Variants in CLASP1 observed in about 807,000 individuals in gnomAD.
CLASP1 encodes the protein cytoplasmic linker associated protein 1.
A neutral mutation model predicts 192.3 loss-of-function variants in CLASP1; 38 were observed. The ratio of observed to expected loss-of-function variants is 0.20; its 90% CI spans 0.15 to 0.26. The LOEUF is 0.26. Among genes scored for constraint, CLASP1 ranks in the 10% least tolerant of loss-of-function variants. CLASP1 has a pLI of 1.00. For synonymous variants in CLASP1, 691 were observed against 712.8 expected (o/e 0.97, Z 0.49); for missense variants, 1,433 against 1,932.5 (o/e 0.74, Z 4.85).
chr2:121,534,114 A>AT (rs1328487422), intron 2 of CLASP1, among the ~76,000 whole-genome samples: 1 of 152,220 alleles, frequency 6.6e-6, no homozygotes, highest in East Asian at 1.9e-4. Flanking sequence ...AAATTTACAG[A>AT]TATAAGCCTG....
intron 2 of CLASP1, among the ~76,000 whole-genome samples, chr2:121,591,627 G>A (rs1288231847): frequency 7.2e-5 from 11 of 152,178 alleles, no homozygotes; most frequent in Non-Finnish European, 8.8e-5. Flanking sequence ...AGCCTCGCTG[G>A]TGCACAACCA....
chr2:121,355,432 CA>C (rs2065215787), intron 37 of CLASP1, among the ~76,000 whole-genome samples: 1 of 152,136 alleles, frequency 6.6e-6, no homozygotes, highest in Non-Finnish European at 1.5e-5. Flanking sequence ...CCCGGATGAT[CA>C]AATGTATCTA....
chr2:121,529,649 G>A (rs1472501031), intron 3 of CLASP1, among the ~76,000 whole-genome samples: 1 of 152,170 alleles, frequency 6.6e-6, no homozygotes, highest in Non-Finnish European at 1.5e-5. Context: ...AAATCTGTGG[G>A]TTTTGTTTCA....
intron 2 of CLASP1, among the ~76,000 whole-genome samples, chr2:121,542,931 T>C (rs189885139): frequency 8.0e-4 from 122 of 152,346 alleles, no homozygotes; most frequent in Admixed American, 2.7e-3. Flanking sequence ...TAACCTTTGT[T>C]TGAAGACCTA....
chr2:121,430,317 A>C lies in CLASP1; in HGVS notation c.1913-140T>G, dbSNP rs1180976701. On this transcript the variant is annotated intron_variant, in intron 19 of 39. Coordinates refer to ENST00000263710, the Ensembl canonical transcript of CLASP1. ...AACAGCTTCTGTGAGCAGATCCTCC[A>C]CACGAGGTCTGCCACGTCTCCCTGT... 9.5e-6 allele frequency: 6 copies of C among 632,102 alleles called. No homozygotes were observed. The Admixed American group carries it at 1.4e-4, about 15-fold the overall frequency. The allele number at this position is 632,102 out of a possible 1,614,324, so 39.2% of individuals were successfully genotyped here. A position where few individuals can be genotyped will look rare whatever the true frequency, so the allele number is the denominator to read the frequency against.
intron 1 of CLASP1, among the ~76,000 whole-genome samples, chr2:121,641,317 AC>A (rs1260126218): frequency 1.3e-5 from 2 of 151,042 alleles, no homozygotes; most frequent in Non-Finnish European, 2.9e-5. Context: ...CCCCAGAAGC[AC>A]TTGGGGAACC....
intron 8 of CLASP1, among the ~76,000 whole-genome samples, chr2:121,482,926 A>G (rs993536093): frequency 6.6e-6 from 1 of 152,328 alleles, no homozygotes; most frequent in Non-Finnish European, 1.5e-5. Flanking sequence ...GAAAACAGAC[A>G]GAGCCTTCTC....
chr2:121,593,402 C>T (rs968696915), intron 2 of CLASP1, among the ~76,000 whole-genome samples: 6 of 151,852 alleles, frequency 4.0e-5, no homozygotes, highest in African/African-American at 1.5e-4. Flanking sequence ...GGTGGATCAC[C>T]TGAGGTCAGG....
intron 2 of CLASP1, among the ~76,000 whole-genome samples, chr2:121,584,829 T>C (rs566041073): frequency 6.6e-6 from 1 of 152,330 alleles, no homozygotes; most frequent in Admixed American, 6.5e-5. Flanking sequence ...GTGGCCTCTC[T>C]ACCACTGTTT....
chr2:121,424,975 G>A (rs918219629), intron 22 of CLASP1, among the ~76,000 whole-genome samples, 164 bp downstream of exon 22: 6 of 152,186 alleles, frequency 3.9e-5, no homozygotes, highest in South Asian at 4.1e-4. Context: ...TTTTCTAACT[G>A]AAACCTCAAT....
intron 36 of CLASP1, among the ~76,000 whole-genome samples, chr2:121,363,597 T>C (rs77335316): frequency 0.093 from 14,209 of 152,290 alleles, 930 homozygotes; most frequent in Non-Finnish European, 0.13. Flanking sequence ...CAAATGAGGA[T>C]GATATACCTA....
intron 8 of CLASP1, among the ~76,000 whole-genome samples, chr2:121,489,876 T>C (rs910556502): frequency 6.6e-6 from 1 of 152,230 alleles, no homozygotes; most frequent in African/African-American, 2.4e-5. Flanking sequence ...TGGGAAAACT[T>C]AGAAATTTCT....
chr2:121,543,004 G>GT (rs1418269455), intron 2 of CLASP1, among the ~76,000 whole-genome samples: 5 of 152,252 alleles, frequency 3.3e-5, no homozygotes, highest in African/African-American at 1.2e-4. Flanking sequence ...GTCCAATGCA[G>GT]TAGCCACTAG....
chr2:121,522,737 T>C (rs1057496345), intron 6 of CLASP1, among the ~76,000 whole-genome samples: 7 of 152,332 alleles, frequency 4.6e-5, no homozygotes, highest in South Asian at 2.1e-4. Flanking sequence ...AGTATGTGTA[T>C]AGTCTACTCC....
At chr2:121,600,544 G>A (rs1157297522) in intron 2 of CLASP1, among the ~76,000 whole-genome samples, 1 of 152,106 alleles carries the variant, frequency 6.6e-6, no homozygotes, top group Non-Finnish European at 1.5e-5. Context: ...TGTCATTCTG[G>A]AAAAACTAAC....
intron 1 of CLASP1, among the ~76,000 whole-genome samples, chr2:121,606,790 G>A (rs932269815): frequency 5.9e-5 from 9 of 152,294 alleles, no homozygotes; most frequent in African/African-American, 1.2e-4. Context: ...GGGCGCAGTG[G>A]CTCACGCCTG....
At chr2:121,442,324 G>C (rs1361725909) in intron 19 of CLASP1, among the ~76,000 whole-genome samples, 1 of 152,052 alleles carries the variant, frequency 6.6e-6, no homozygotes, top group East Asian at 1.9e-4. Flanking sequence ...CAAAAGTTTA[G>C]TTTTTCGTTC....
At chr2:121,453,474 G>A (rs984281692) in intron 14 of CLASP1, among the ~76,000 whole-genome samples, 8 of 152,184 alleles carry the variant, frequency 5.3e-5, no homozygotes, top group Non-Finnish European at 1.0e-4. Flanking sequence ...AGGGCCGGCA[G>A]TGGTGGGGCC....
intron 19 of CLASP1, among the ~76,000 whole-genome samples, chr2:121,440,975 T>A (rs955873904): frequency 2.0e-5 from 3 of 152,274 alleles, no homozygotes; most frequent in Admixed American, 1.3e-4. Flanking sequence ...TTGACTTTCA[T>A]GGAATAAAGA....
Sources: allele counts gnomAD v4.1 joint callset (sites outside exome capture counted in the v4.1 genomes callset), GRCh38; gene constraint gnomAD v4.1.1; transcripts MANE v1.5; gene names NCBI Gene and HGNC (gene_info 2026-07-23, HGNC 2026-07-21).